PDE4D: variants seen among roughly 807,000 people sequenced by gnomAD.
PDE4D encodes the protein phosphodiesterase 4D.
A neutral mutation model predicts 87.4 loss-of-function variants in PDE4D; 24 were observed. The observed-to-expected ratio is 0.27, with a 90% confidence interval of 0.20 to 0.39. PDE4D has a LOEUF of 0.39. PDE4D is among the 10% of genes least tolerant of loss of function. PDE4D has a pLI of 1.00. For synonymous variants in PDE4D, 384 were observed against 383.2 expected, an observed-to-expected ratio of 1.00 and a Z score of -0.02; for missense variants, 714 against 1,041.0, an observed-to-expected ratio of 0.69 and a Z score of 4.32.
intron 5 of PDE4D, among the ~76,000 whole-genome samples, chr5:59,090,843 T>C (rs868311903): frequency 1.5e-5 from 2 of 133,076 alleles, no homozygotes; most frequent in African/African-American, 5.8e-5. Context: ...AAGGGATAAA[T>C]AGTGATGTCA....
At chr5:59,750,083 C>CTTTTTTTTTTT (rs1251524921) in intron 1 of PDE4D, among the ~76,000 whole-genome samples, 1 of 116,436 alleles carries the variant, frequency 8.6e-6, no homozygotes, top group African/African-American at 3.0e-5. Context: ...AGAATTATGA[C>CTTTTTTTTTTT]CTTTTTTTTT....
At position 60,472,302 on chromosome 5, in the gene PDE4D, A is replaced by G. The variant is rs550154776; in HGVS notation, c.-90+15640T>C. 2.1e-3 allele frequency among the ~76,000 whole-genome samples: 324 copies of G among 152,186 alleles called. 1 individual carries two copies. Among genetic ancestry groups the G allele is most frequent in the Non-Finnish European group, 3.2e-3 (219 of 67,986 alleles). On this transcript the variant is annotated intron_variant, in intron 1 of 16. Coordinates refer to the PDE4D transcript ENST00000502484. ...AACTGAGGCACAGCCAACTTAGGTCATTTTTCCCAGGTCACACAGCTAATA... is the reference window on the plus strand; with the variant it reads ...AACTGAGGCACAGCCAACTTAGGTCGTTTTTCCCAGGTCACACAGCTAATA...
intron 3 of PDE4D, among the ~76,000 whole-genome samples, chr5:59,981,653 G>C (rs1761944945): frequency 6.6e-6 from 1 of 152,130 alleles, no homozygotes; most frequent in South Asian, 2.1e-4. Context: ...TAAGAACTTA[G>C]ATAAATCACT....
intron 1 of PDE4D, among the ~76,000 whole-genome samples, chr5:60,429,316 G>A (rs1034122786): frequency 6.6e-6 from 1 of 152,168 alleles, no homozygotes; most frequent in Non-Finnish European, 1.5e-5. Flanking sequence ...GACATTATCG[G>A]TGTAGAGAAA....
intron 1 of PDE4D, among the ~76,000 whole-genome samples, chr5:59,393,232 G>A (rs918607160): frequency 5.9e-5 from 9 of 152,046 alleles, no homozygotes; most frequent in Non-Finnish European, 1.3e-4. Context: ...AAAGGTATTT[G>A]ACAACAAAAA....
chr5:59,119,325 G>A (rs1468038731), intron 5 of PDE4D, among the ~76,000 whole-genome samples: 1 of 152,128 alleles, frequency 6.6e-6, no homozygotes, highest in African/African-American at 2.4e-5. Flanking sequence ...AATACCAAGA[G>A]AGAAGAGGAA....
At chr5:59,053,728 G>A (rs1349623192) in intron 5 of PDE4D, among the ~76,000 whole-genome samples, 1 of 145,374 alleles carries the variant, frequency 6.9e-6, no homozygotes, top group African/African-American at 2.6e-5. Flanking sequence ...AGTCGAGGTG[G>A]GCAGATGACT....
At chr5:60,144,772 G>C (rs1780853561) in intron 2 of PDE4D, among the ~76,000 whole-genome samples, 1 of 152,082 alleles carries the variant, frequency 6.6e-6, no homozygotes, top group South Asian at 2.1e-4. Context: ...AGCATCCCAA[G>C]ACAGAATTTT....
At chr5:58,980,948 GATGT>G (rs1319769381) in intron 11 of PDE4D, among the ~76,000 whole-genome samples, 2 of 152,120 alleles carry the variant, frequency 1.3e-5, no homozygotes, top group African/African-American at 4.8e-5. Flanking sequence ...CAGGAACCCT[GATGT>G]TAGAGGCAGG....
rs1742356842 is a variant in PDE4D, at chr5:58,970,099, T to G, written c.*4565A>C. 2.0e-5 allele frequency: 3 copies of G among 152,196 alleles called. No homozygotes were observed. The South Asian group carries it at 6.2e-4, about 31-fold the overall frequency. The allele number at this position is 152,196 out of a possible 1,614,324, so 9.4% of individuals were successfully genotyped here. A position where few individuals can be genotyped will look rare whatever the true frequency, so the allele number is the denominator to read the frequency against. The stretch of plus-strand genomic sequence containing the variant: ...GCAGAATCAACCCATGCTTTTATTT[T>G]CATTGCATATAAAAATTTCATATGA... On this transcript the variant is annotated 3_prime_UTR_variant, in exon 15 of 15. Coordinates refer to ENST00000340635, the MANE Select transcript of PDE4D (RefSeq NM_001104631.2).
intron 1 of PDE4D, among the ~76,000 whole-genome samples, chr5:59,846,602 A>C (rs1192775628): frequency 6.6e-6 from 1 of 152,062 alleles, no homozygotes; most frequent in Non-Finnish European, 1.5e-5. Flanking sequence ...TGATTCTCAG[A>C]AGACTTGCTC....
chr5:59,803,631 A>T (rs1453548278), intron 1 of PDE4D, among the ~76,000 whole-genome samples: 1 of 145,004 alleles, frequency 6.9e-6, no homozygotes, highest in East Asian at 1.9e-4. Context: ...ACTTCAGGGG[A>T]TTCTGGCACT....
intron 1 of PDE4D, among the ~76,000 whole-genome samples, chr5:59,626,580 G>A (rs1259512939): frequency 6.6e-6 from 1 of 152,152 alleles, no homozygotes; most frequent in East Asian, 1.9e-4. Flanking sequence ...ATAACAGTGA[G>A]ATCCCATCTC....
intron 2 of PDE4D, among the ~76,000 whole-genome samples, chr5:60,081,027 T>C (rs796473437): frequency 7.9e-5 from 12 of 152,310 alleles, no homozygotes; most frequent in African/African-American, 2.9e-4. Flanking sequence ...TTTTGGTTGG[T>C]AGGCCATTAA....
intron 1 of PDE4D, among the ~76,000 whole-genome samples, chr5:60,408,054 TGTA>T (rs1466611367): frequency 6.6e-6 from 1 of 152,138 alleles, no homozygotes; most frequent in African/African-American, 2.4e-5. Flanking sequence ...ACCACCAGGC[TGTA>T]AGGACACTAA....
At chr5:59,938,031 G>GT (rs1481316724) in intron 3 of PDE4D, among the ~76,000 whole-genome samples, 2 of 152,152 alleles carry the variant, frequency 1.3e-5, no homozygotes, top group Non-Finnish European at 2.9e-5. Flanking sequence ...CAAATTATCT[G>GT]TTTTCTATTA....
intron 1 of PDE4D, among the ~76,000 whole-genome samples, chr5:59,466,649 C>T (rs1193109641): frequency 6.6e-6 from 1 of 152,172 alleles, no homozygotes; most frequent in African/African-American, 2.4e-5. Context: ...TCATTTGGTC[C>T]TGTTATGCTA....
At chr5:60,044,707 T>C (rs1258568977) in intron 2 of PDE4D, among the ~76,000 whole-genome samples, 1 of 152,256 alleles carries the variant, frequency 6.6e-6, no homozygotes, top group East Asian at 1.9e-4. Context: ...TCATGTTTTA[T>C]GGCCGCATAG....
intron 1 of PDE4D, among the ~76,000 whole-genome samples, chr5:59,332,877 G>C (rs1776983286): frequency 6.6e-6 from 1 of 152,132 alleles, no homozygotes; most frequent in Non-Finnish European, 1.5e-5. Context: ...TGATCATCTG[G>C]ACGTGCAGTA....
Sources: allele counts gnomAD v4.1 joint callset (sites outside exome capture counted in the v4.1 genomes callset), GRCh38; gene constraint gnomAD v4.1.1; transcripts MANE v1.5; gene names NCBI Gene and HGNC (gene_info 2026-07-23, HGNC 2026-07-21).